FAM135A: variants seen among roughly 807,000 people sequenced by gnomAD.
The protein encoded by FAM135A is family with sequence similarity 135 member A, also known as protein FAM135A.
Under a neutral mutation model 146.8 loss-of-function variants are expected in FAM135A, and 79 were observed. The observed-to-expected ratio is 0.54, with a 90% CI of 0.45 to 0.65. The LOEUF (loss-of-function observed/expected upper bound fraction) is 0.65. Among genes scored for constraint, FAM135A ranks in the 30% least tolerant of loss-of-function variants. FAM135A has a pLI of 0.00. For missense variants in FAM135A, 1,623 were observed against 1,758.2 expected (o/e 0.92, Z 1.38); for synonymous variants, 562 against 603.6 (o/e 0.93, Z 1.01).
chr6:70,559,757 G>C lies in FAM135A; in HGVS notation c.4384G>C (p.Val1462Leu), dbSNP rs372945451. 76 of 1,614,040 alleles carry C rather than the reference G, an allele frequency of 4.7e-5. No homozygotes were observed. Among genetic ancestry groups the C allele is most frequent in the Non-Finnish European group, 6.2e-5 (73 of 1,180,008 alleles). Residue 1462 changes from valine (V) to leucine (L), a missense_variant, in exon 22 of 22, where the codon GTT becomes CTT. Val to Leu is a conservative substitution (Grantham distance 32, BLOSUM62 1). Transcript: ENST00000418814. Reference sequence around the variant, plus strand: ...AATGATCCACAACTTGCTTCGACCCGTTCTGCAAAGCAAGGACTGTAATTT... The same window carrying C: ...AATGATCCACAACTTGCTTCGACCCCTTCTGCAAAGCAAGGACTGTAATTT... ...SEMIHNLLRP[V>L]LQSKDCNLVR...
intron 4 of FAM135A, among the ~76,000 whole-genome samples, chr6:70,442,019 G>A (rs922851420): frequency 6.6e-6 from 1 of 152,006 alleles, no homozygotes; most frequent in African/African-American, 2.4e-5. Context: ...CATCATTAAT[G>A]TATACTGATA....
intron 20 of FAM135A, among the ~76,000 whole-genome samples, chr6:70,554,103 T>G (rs1395161831): frequency 6.6e-6 from 1 of 152,116 alleles, no homozygotes; most frequent in Non-Finnish European, 1.5e-5. Context: ...AAATTTAGAT[T>G]TGAGGAGCAG....
intron 10 of FAM135A, among the ~76,000 whole-genome samples, chr6:70,487,672 A>G (rs1324295529): frequency 6.6e-6 from 1 of 152,156 alleles, no homozygotes; most frequent in African/African-American, 2.4e-5. Flanking sequence ...ATATTCTCAT[A>G]TAAAGTTACT....
intron 20 of FAM135A, among the ~76,000 whole-genome samples, chr6:70,555,915 A>C (rs1032435554): frequency 2.0e-5 from 3 of 152,150 alleles, no homozygotes; most frequent in Non-Finnish European, 4.4e-5. Context: ...AGATAGTATC[A>C]TACGGTCACA....
chr6:70,454,918 T>C (rs1299767188), intron 5 of FAM135A, among the ~76,000 whole-genome samples: 2 of 152,186 alleles, frequency 1.3e-5, no homozygotes, highest in Non-Finnish European at 2.9e-5. Context: ...TGCAGGCTCT[T>C]TTTTGGTTCC....
Position 70,417,652 on chromosome 6 carries a change from G to T in FAM135A, c.-134+2276G>T, listed in dbSNP as rs1767854753. 3.0e-6 allele frequency: 3 copies of T among 984,476 alleles called. No individual in the cohort carries two copies. In the African/African-American group the frequency reaches 5.2e-5, roughly 17 times the overall value. 61.0% of individuals were successfully genotyped at this position (984,476 alleles called of 1,614,324 possible). A position where few individuals can be genotyped will look rare whatever the true frequency, so the allele number is the denominator to read the frequency against. ...GGATGCAGCTGTTTCATTCATGATTGTTTTTAGAGCAGTGTTAACTATGAC... is the reference window on the plus strand; with the variant it reads ...GGATGCAGCTGTTTCATTCATGATTTTTTTTAGAGCAGTGTTAACTATGAC... On this transcript the variant is annotated intron_variant, in intron 2 of 21. Transcript: ENST00000418814.
intron 4 of FAM135A, among the ~76,000 whole-genome samples, chr6:70,441,808 C>G (rs1774557515): frequency 6.6e-6 from 1 of 151,802 alleles, no homozygotes; most frequent in African/African-American, 2.4e-5. Flanking sequence ...CCTCAGCCTC[C>G]CAAGTAGCTG....
At chr6:70,461,295 C>T (rs2128098437) in intron 5 of FAM135A, among the ~76,000 whole-genome samples, 1 of 152,216 alleles carries the variant, frequency 6.6e-6, no homozygotes, top group Middle Eastern at 3.4e-3. Flanking sequence ...AGTGTATTAC[C>T]TGCTACACAG....
intron 2 of FAM135A, among the ~76,000 whole-genome samples, chr6:70,423,907 A>G (rs1388260919): frequency 6.6e-6 from 1 of 152,180 alleles, no homozygotes. Context: ...CTATAAACAA[A>G]TCACAGTTAT....
At chr6:70,469,719 C>T (rs1377527362) in intron 5 of FAM135A, among the ~76,000 whole-genome samples, 1 of 151,920 alleles carries the variant, frequency 6.6e-6, no homozygotes, top group East Asian at 1.9e-4. Flanking sequence ...GAACAGCACC[C>T]CCACCCCCTG....
At chr6:70,538,815 A>G (rs909329014) in intron 20 of FAM135A, among the ~76,000 whole-genome samples, 11 of 118,568 alleles carry the variant, frequency 9.3e-5, no homozygotes, top group East Asian at 7.3e-4. Flanking sequence ...GTTATATTAT[A>G]TTATATTATA....
intron 20 of FAM135A, among the ~76,000 whole-genome samples, chr6:70,542,196 G>A (rs931831064): frequency 1.4e-4 from 21 of 151,566 alleles, no homozygotes; most frequent in African/African-American, 5.1e-4. Context: ...ATGGATAAGA[G>A]CATCAAGTCC....
chr6:70,479,766 A>T (rs1210613367), intron 8 of FAM135A, among the ~76,000 whole-genome samples: 6 of 152,076 alleles, frequency 3.9e-5, no homozygotes, highest in Non-Finnish European at 8.8e-5. Flanking sequence ...ATTTTTATTT[A>T]AAACAATTTT....
chr6:70,442,898 C>T (rs975617376), intron 4 of FAM135A, among the ~76,000 whole-genome samples: 7 of 152,098 alleles, frequency 4.6e-5, no homozygotes, highest in Non-Finnish European at 8.8e-5. Flanking sequence ...ATAGTTGTAC[C>T]ATAGTTTATT....
chr6:70,556,440 T>C (rs1230944978), intron 20 of FAM135A, among the ~76,000 whole-genome samples: 1 of 152,198 alleles, frequency 6.6e-6, no homozygotes, highest in Non-Finnish European at 1.5e-5. Flanking sequence ...GGTAAGAATG[T>C]CATGGAATAC....
chr6:70,457,566 C>T (rs902580028), intron 5 of FAM135A, among the ~76,000 whole-genome samples: 2 of 152,134 alleles, frequency 1.3e-5, no homozygotes, highest in Admixed American at 1.3e-4. Context: ...TATAGCTGCT[C>T]AGTCCCTTCT....
chr6:70,455,798 A>G (rs907386998), intron 5 of FAM135A, among the ~76,000 whole-genome samples: 10 of 150,580 alleles, frequency 6.6e-5, no homozygotes, highest in African/African-American at 2.5e-4. Context: ...AATTTTAAAG[A>G]TATGTTTGTT....
intron 20 of FAM135A, among the ~76,000 whole-genome samples, chr6:70,539,514 C>T (rs1582844243): frequency 6.6e-6 from 1 of 152,180 alleles, no homozygotes; most frequent in South Asian, 2.1e-4. Flanking sequence ...TATAGAAGCT[C>T]AGTTCGTCGT....
At chr6:70,488,042 G>A (rs911834979) in intron 10 of FAM135A, among the ~76,000 whole-genome samples, 4 of 152,042 alleles carry the variant, frequency 2.6e-5, no homozygotes, top group Admixed American at 6.6e-5. Context: ...ATAAATGTTA[G>A]ATACATGTAC....
Sources: gnomAD v4.1 joint callset for allele counts (sites outside exome capture counted in the v4.1 genomes callset) on GRCh38, gnomAD v4.1.1 for gene constraint, MANE v1.5 for transcripts, NCBI Gene and HGNC (gene_info 2026-07-23, HGNC 2026-07-21) for gene names.